TBC1D1: variants seen among roughly 807,000 people sequenced by gnomAD.
TBC1D1 encodes the protein TBC1 domain family member 1.
Under a neutral mutation model 125.6 loss-of-function variants are expected in TBC1D1, and 89 were observed. That is an observed-to-expected ratio of 0.71 (90% CI 0.60 to 0.85). TBC1D1 has a LOEUF of 0.85. Ranked by LOEUF, TBC1D1 falls within the 40% of genes least tolerant of loss-of-function variation. The pLI, the probability that TBC1D1 is intolerant of heterozygous loss-of-function variation, is 0.00. For synonymous variants in TBC1D1, 565 were observed against 564.1 expected (o/e 1.00, Z -0.02); for missense variants, 1,377 against 1,469.2 (o/e 0.94, Z 1.03).
chr4:37,950,254 T>C (rs1727553217), intron 2 of TBC1D1, among the ~76,000 whole-genome samples: 1 of 152,156 alleles, frequency 6.6e-6, no homozygotes, highest in African/African-American at 2.4e-5. Context: ...TGTGCCTCAT[T>C]TTCCTCATCT....
chr4:38,109,402 T>TG (rs1188087791), intron 15 of TBC1D1, among the ~76,000 whole-genome samples: 2 of 152,198 alleles, frequency 1.3e-5, no homozygotes, highest in Non-Finnish European at 2.9e-5. Context: ...AAGAATAAAG[T>TG]GGGGTATGAT....
chr4:38,036,187 A>C (rs1377036264), intron 8 of TBC1D1, among the ~76,000 whole-genome samples: 1 of 152,180 alleles, frequency 6.6e-6, no homozygotes, highest in Non-Finnish European at 1.5e-5. Context: ...TCCATTTTGC[A>C]TGGTGGAAAT....
chr4:38,080,679 C>T (rs1488476926), intron 12 of TBC1D1, among the ~76,000 whole-genome samples: 3 of 152,146 alleles, frequency 2.0e-5, no homozygotes, highest in Non-Finnish European at 4.4e-5. Flanking sequence ...CTCCTCACCC[C>T]GACGAACGTC....
intron 12 of TBC1D1, among the ~76,000 whole-genome samples, chr4:38,071,208 T>G (rs965186071): frequency 3.3e-5 from 5 of 152,208 alleles, no homozygotes; most frequent in African/African-American, 1.2e-4. Flanking sequence ...CAGGTGCCTC[T>G]GAAGCCTTGC....
At chr4:38,114,147 CTGGGAGGG>C (rs1163779212) in intron 15 of TBC1D1, among the ~76,000 whole-genome samples, 5 of 152,098 alleles carry the variant, frequency 3.3e-5, no homozygotes, top group Non-Finnish European at 7.4e-5. Context: ...GAAGATAAAG[CTGGGAGGG>C]TGGGTAAGGA....
chr4:38,014,492 CCT>C lies in TBC1D1; in HGVS notation c.418-7_418-6del, dbSNP rs563872535. On this transcript the variant is annotated splice_polypyrimidine_tract_variant and intron_variant, in intron 2 of 19. Coordinates refer to ENST00000261439, the MANE Select transcript of TBC1D1 (RefSeq NM_015173.4). This position sits in a 1 kb window ranked among gnomAD's most constrained non-coding sequence, Gnocchi z 5.1. ...CACACTGCATGTTCCAAATAACACG[CCT>C]CTCTCTCTCCTCAGGTGCCTGAGAT... 351 of 1,604,932 alleles carry C rather than the reference CCT, an allele frequency of 2.2e-4. No individual in the cohort carries two copies. In the African/African-American group the frequency reaches 4.1e-3, roughly 19 times the overall value.
chr4:38,049,115 C>A (rs1317022747), intron 10 of TBC1D1, among the ~76,000 whole-genome samples: 1 of 152,122 alleles, frequency 6.6e-6, no homozygotes, highest in Non-Finnish European at 1.5e-5. Flanking sequence ...AGTGATTTTC[C>A]ATATTCTAAG....
At chr4:38,057,572 C>T (rs946347588) in intron 12 of TBC1D1, among the ~76,000 whole-genome samples, 8 of 152,076 alleles carry the variant, frequency 5.3e-5, no homozygotes, top group South Asian at 2.1e-4. Context: ...AGAACCAAGC[C>T]GCCTGAATTT....
At chr4:38,099,399 A>G (rs1015933468) in intron 14 of TBC1D1, among the ~76,000 whole-genome samples, 3 of 152,190 alleles carry the variant, frequency 2.0e-5, no homozygotes, top group African/African-American at 7.2e-5. Flanking sequence ...CACGATGCAG[A>G]TGTCCAGGTT....
chr4:38,016,250 A>C (rs1742692123), intron 3 of TBC1D1, among the ~76,000 whole-genome samples: 1 of 152,210 alleles, frequency 6.6e-6, no homozygotes, highest in South Asian at 2.1e-4. Context: ...GGCTTCTTTG[A>C]GAAAGTGATT....
rs776786407 is a variant in TBC1D1, at chr4:38,137,277, G to A, written c.3449G>A (p.Ser1150Asn). 1 of 1,611,738 alleles carries A rather than the reference G, an allele frequency of 6.2e-7. No homozygotes were observed. The highest frequency in any genetic ancestry group is 8.5e-7 in the Non-Finnish European group (1 of 1,179,962). The stretch of plus-strand genomic sequence containing the variant: ...ACGGTGGAGGAGCTGCGGCGGCGGA[G>A]CGCAGAGCCCAGCGACCGGGAGCCT... The change falls in exon 20 of 20, where the codon AGC (serine) becomes AAC (asparagine). Residue 1150 changes from serine (S) to asparagine (N), a missense_variant. Physicochemically the swap from Ser to Asn is conservative, Grantham distance 46 (BLOSUM62 1). Coordinates refer to ENST00000261439, the MANE Select transcript of TBC1D1 (RefSeq NM_015173.4).
intron 8 of TBC1D1, among the ~76,000 whole-genome samples, chr4:38,040,283 T>C (rs1284127649): frequency 6.6e-6 from 1 of 152,100 alleles, no homozygotes; most frequent in Non-Finnish European, 1.5e-5. Context: ...AATATTTTCT[T>C]TCTTTCTTTC....
intron 6 of TBC1D1, among the ~76,000 whole-genome samples, chr4:38,027,269 G>T (rs1745248896): frequency 6.6e-6 from 1 of 152,176 alleles, no homozygotes. Context: ...CTATTATACA[G>T]TGTCTAGCAC....
intron 12 of TBC1D1, among the ~76,000 whole-genome samples, chr4:38,059,657 G>A (rs540006284): frequency 4.6e-5 from 7 of 152,350 alleles, no homozygotes; most frequent in African/African-American, 1.7e-4. Context: ...TATACACTAG[G>A]CAGAGGGTGG....
intron 13 of TBC1D1, 69 bp downstream of exon 15, chr4:38,090,186 A>G (rs935967347): frequency 2.7e-6 from 4 of 1,457,252 alleles, no homozygotes; most frequent in Admixed American, 1.9e-5. Context: ...CACATCAGAC[A>G]TAAGCATGCT....
intron 17 of TBC1D1, chr4:38,120,072 C>G (rs777868703): frequency 2.1e-5 from 21 of 985,422 alleles, no homozygotes; most frequent in Non-Finnish European, 2.3e-5. Flanking sequence ...GAAGCTCACT[C>G]TAATGACTTC....
intron 2 of TBC1D1, among the ~76,000 whole-genome samples, chr4:37,924,323 A>C (rs576363306): frequency 1.3e-5 from 2 of 152,360 alleles, no homozygotes; most frequent in African/African-American, 2.4e-5. Context: ...TCTGTTATTA[A>C]TAATGACAGA....
At chr4:37,939,875 G>A (rs1245622268) in intron 2 of TBC1D1, among the ~76,000 whole-genome samples, 2 of 152,132 alleles carry the variant, frequency 1.3e-5, no homozygotes, top group African/African-American at 4.8e-5. Flanking sequence ...CTGTTCCATT[G>A]GACTATAGCT....
intron 17 of TBC1D1, among the ~76,000 whole-genome samples, chr4:38,121,404 C>T (rs1763827299): frequency 6.6e-6 from 1 of 152,186 alleles, no homozygotes; most frequent in Non-Finnish European, 1.5e-5. Context: ...CAAAGAAAAG[C>T]AGTTCCTTTG....
Sources: allele counts gnomAD v4.1 joint callset (sites outside exome capture counted in the v4.1 genomes callset), GRCh38; gene constraint gnomAD v4.1.1; non-coding constraint Gnocchi (gnomAD v3.1); transcripts MANE v1.5; gene names NCBI Gene and HGNC (gene_info 2026-07-23, HGNC 2026-07-21).